MMP15: variants seen among roughly 807,000 people sequenced by gnomAD.
The protein encoded by MMP15 is matrix metalloproteinase-15.
In MMP15, 36 loss-of-function variants were observed where a neutral mutation model predicts 65.0. That is an observed-to-expected ratio of 0.55 (90% CI 0.42 to 0.73). The LOEUF (loss-of-function observed/expected upper bound fraction) is 0.73, where lower values mean the gene tolerates loss of function less well. Among genes scored for constraint, MMP15 ranks in the 30% least tolerant of loss-of-function variants. MMP15 has a pLI of 0.00. For missense variants in MMP15, 870 were observed against 987.8 expected (o/e 0.88, Z 1.60); for synonymous variants, 428 against 410.2 (o/e 1.04, Z -0.52).
intron 1 of MMP15, among the ~76,000 whole-genome samples, chr16:58,034,523 C>T (rs1959292497): frequency 1.3e-5 from 2 of 152,180 alleles, no homozygotes. Context: ...TTTTTGGGCA[C>T]TTGGCGTTCA....
At chr16:58,038,522 CCA>C (rs1959382500) in intron 3 of MMP15, 128 bp downstream of exon 3, 5 of 1,191,900 alleles carry the variant, frequency 4.2e-6, no homozygotes, top group East Asian at 2.5e-5. Context: ...ATGAGACCAG[CCA>C]CACACGCCAG....
At chr16:58,033,262 C>A (rs1729171545) in intron 1 of MMP15, among the ~76,000 whole-genome samples, 1 of 152,220 alleles carries the variant, frequency 6.6e-6, no homozygotes, top group African/African-American at 2.4e-5. Context: ...GGTCCAGTGT[C>A]CCCAGCCTGA....
intron 1 of MMP15, among the ~76,000 whole-genome samples, chr16:58,034,429 A>G (rs2142325741): frequency 6.6e-6 from 1 of 151,960 alleles, no homozygotes; most frequent in Non-Finnish European, 1.5e-5. Context: ...TGTGGCAGGA[A>G]GGTGCCAGGA....
In MMP15 at chr16:58,040,523, T is replaced by C. The variant is rs1454329695; in HGVS notation, c.749-14T>C. ...CCACAGCTGACTGTGCTGCCCTCCT[T>C]CTCTCCCCAAAAGGAAACAACCTCT... On this transcript the variant is annotated splice_polypyrimidine_tract_variant and intron_variant, in intron 4 of 9. Transcript: ENST00000219271. 1.9e-6 allele frequency: 3 copies of C among 1,609,708 alleles called. No individual in the cohort carries two copies. Among genetic ancestry groups the C allele is most frequent in the Middle Eastern group, 2.0e-4 (1 of 5,116 alleles).
In MMP15 at chr16:58,043,580, A is replaced by G; in HGVS notation, c.1523A>G (p.Gln508Arg). The part of the protein sequence containing the change: ...PGYPKPISVW[Q>R]GIPASPKGAF... ...TACCCCAAGCCCATCAGTGTCTGGC[A>G]GGGGATCCCTGCCTCCCCTAAAGGG... The change falls in exon 9 of 10, where the codon CAG (glutamine) becomes CGG (arginine). Residue 508 changes from glutamine (Q) to arginine (R), a missense_variant. Gln to Arg is a conservative substitution (Grantham distance 43). Transcript: ENST00000219271. 6.2e-7 allele frequency: 1 copy of G among 1,613,676 alleles called. No individual in the cohort carries two copies. The highest frequency in any genetic ancestry group is 8.5e-7 in the Non-Finnish European group (1 of 1,179,790).
rs542802834 is a variant in MMP15 at position 58,037,680 on chromosome 16, A to C, written c.311+60A>C. On this transcript the variant is annotated intron_variant, in intron 2 of 9. Transcript: ENST00000219271. ...CCTGCCTTCCATCTGGCCTGCTCTC[A>C]AGAGGGCTCAGCATGTGGAGTTTCC... The C allele has an allele frequency of 6.2e-4, 995 of 1,606,238 alleles. 2 individuals are homozygous for C. Among genetic ancestry groups the C allele is most frequent in the Non-Finnish European group, 7.5e-4 (883 of 1,174,802 alleles).
chr16:58,025,838 C>T lies in MMP15; in HGVS notation c.-513C>T, dbSNP rs1432882436. 6.6e-6 allele frequency: 1 copy of T among 151,938 alleles called. No individual in the cohort carries two copies. The highest frequency in any genetic ancestry group is 2.0e-4 in the East Asian group (1 of 5,114). The allele number at this position is 151,938 out of a possible 1,614,324, so 9.4% of individuals were successfully genotyped here. Reference sequence around the variant, plus strand: ...TCCTTGGCTGGCTCGCTTGCTCTCTCGCTCGCTCTCTCGGGTCGGCTCCCT... The same window carrying T: ...TCCTTGGCTGGCTCGCTTGCTCTCTTGCTCGCTCTCTCGGGTCGGCTCCCT... On this transcript the variant is annotated 5_prime_UTR_variant, in exon 1 of 10. Transcript: ENST00000219271.
At chr16:58,033,189 TGTC>T (rs1240474735) in intron 1 of MMP15, among the ~76,000 whole-genome samples, 1 of 152,066 alleles carries the variant, frequency 6.6e-6, no homozygotes, top group African/African-American at 2.4e-5. Context: ...CGGCCGGAGA[TGTC>T]GGGTGTGGGG....
rs1567430361 is a variant in MMP15, at chr16:58,038,477, G to A, written c.440+83G>A. 1.5e-5 allele frequency: 23 copies of A among 1,569,912 alleles called. No homozygotes were observed. The South Asian group carries it at 1.5e-4, about 10-fold the overall frequency. ...CTCCTTTCCCAGAGCCCACCTCGGC[G>A]CCCAGCCTTAACAGTCCAGCCCGCT... is the stretch of plus-strand genomic sequence containing the variant. On this transcript the variant is annotated intron_variant, in intron 3 of 9. Transcript: ENST00000219271.
chr16:58,042,376 A>G lies in MMP15; in HGVS notation c.1303+7A>G. On this transcript the variant is annotated splice_region_variant and intron_variant, in intron 7 of 9. Coordinates refer to ENST00000219271, the MANE Select transcript of MMP15 (RefSeq NM_002428.4). ...CGTTTTGTCTTTTTCAAAGGTGAGC[A>G]GAGGTAGGGTTAGAGGGTTGGGCAC... The G allele has an allele frequency of 6.2e-7, 1 of 1,613,932 alleles. No homozygotes were observed. The highest frequency in any genetic ancestry group is 8.5e-7 in the Non-Finnish European group (1 of 1,179,866).
At chr16:58,042,518 A>G (rs2118018) in intron 7 of MMP15, 149 bp downstream of exon 7, 282,043 of 1,170,598 alleles carry the variant, frequency 0.24, 39,654 homozygotes, top group African/African-American at 0.53. Context: ...ATGAGGACAC[A>G]GCAGCAAGGC....
intron 1 of MMP15, among the ~76,000 whole-genome samples, chr16:58,034,567 G>C (rs1333470530): frequency 6.6e-6 from 1 of 152,140 alleles, no homozygotes; most frequent in African/African-American, 2.4e-5. Flanking sequence ...GGTCAGGCAC[G>C]CTCTGCCAGC....
chr16:58,036,439 G>C lies in MMP15; in HGVS notation c.163-1033G>C, dbSNP rs568264200. On this transcript the variant is annotated intron_variant, in intron 1 of 9. Transcript: ENST00000219271. ...GGATGCCTCAGCCTAGTCCTCCCAT[G>C]GCCCCCAGCTGGCACAGAGGGTGTT... Among the ~76,000 whole-genome samples, 2 of 152,330 alleles carry C rather than the reference G, an allele frequency of 1.3e-5. 1 individual carries two copies. The highest frequency in any genetic ancestry group is 4.1e-4 in the South Asian group (2 of 4,826).
intron 9 of MMP15, 136 bp from the exon 10 acceptor site, chr16:58,044,871 G>C: frequency 1.0e-6 from 1 of 979,460 alleles, no homozygotes; most frequent in South Asian, 1.6e-5. Flanking sequence ...AGTTGAGAAG[G>C]GGCAGATTTG....
rs895485867 is a variant in MMP15, at chr16:58,025,802, C to A, written c.-549C>A. The A allele has an allele frequency of 6.6e-6, 1 of 151,910 alleles. No homozygotes were observed. The highest frequency in any genetic ancestry group is 2.4e-5 in the African/African-American group (1 of 41,368). The allele number at this position is 151,910 out of a possible 1,614,324, so 9.4% of individuals were successfully genotyped here. A position where few individuals can be genotyped will look rare whatever the true frequency, so the allele number is the denominator to read the frequency against. Reference sequence around the variant, plus strand: ...GCCGCGCTGAACTCGCCGGGGACGTCGGGCGCCCGCTCCTTGGCTGGCTCG... The same window carrying A: ...GCCGCGCTGAACTCGCCGGGGACGTAGGGCGCCCGCTCCTTGGCTGGCTCG... On this transcript the variant is annotated 5_prime_UTR_variant, in exon 1 of 10. Coordinates refer to ENST00000219271, the MANE Select transcript of MMP15 (RefSeq NM_002428.4).
chr16:58,029,330 C>G (rs41336653), intron 1 of MMP15, among the ~76,000 whole-genome samples: 2,515 of 152,340 alleles, frequency 0.017, 58 homozygotes, highest in African/African-American at 0.047. Flanking sequence ...TCCCCTCTTT[C>G]TTTTAAACAG....
chr16:58,038,401 G>A lies in MMP15; in HGVS notation c.440+7G>A. 6.2e-7 allele frequency: 1 copy of A among 1,613,780 alleles called. No homozygotes were observed. Among genetic ancestry groups the A allele is most frequent in the Non-Finnish European group, 8.5e-7 (1 of 1,179,884 alleles). ...ACCACCATCTGACCTTTAGGTAGGG[G>A]GCTCAGCTGCCCAGGGAAGCATCTG... On this transcript the variant is annotated splice_region_variant and intron_variant, in intron 3 of 9. Transcript: ENST00000219271.
At chr16:58,043,457 G>A (rs987652915) in intron 8 of MMP15, 55 bp from the exon 9 acceptor site, 30 of 1,602,386 alleles carry the variant, frequency 1.9e-5, no homozygotes, top group Admixed American at 5.2e-5. Flanking sequence ...TGTGGGGAAC[G>A]GGTCCTGGCC....
intron 1 of MMP15, among the ~76,000 whole-genome samples, chr16:58,031,954 G>A (rs898043725): frequency 2.4e-5 from 3 of 124,258 alleles, no homozygotes; most frequent in African/African-American, 9.2e-5. Flanking sequence ...TGCAACCTCC[G>A]CCTCCCAGGT....
Sources: allele counts gnomAD v4.1 joint callset (sites outside exome capture counted in the v4.1 genomes callset), GRCh38; gene constraint gnomAD v4.1.1; transcripts MANE v1.5; gene names NCBI Gene and HGNC (gene_info 2026-07-23, HGNC 2026-07-21).